NELL2: variants seen among roughly 807,000 people sequenced by gnomAD.
NELL2 encodes the protein protein kinase C-binding protein NELL2.
Under a neutral mutation model 109.6 loss-of-function variants are expected in NELL2, and 41 were observed. That is an observed-to-expected ratio of 0.37 (90% CI 0.29 to 0.49). The LOEUF is 0.49. Among genes scored for constraint, NELL2 ranks in the 20% least tolerant of loss-of-function variants. The pLI, the probability that NELL2 is intolerant of heterozygous loss-of-function variation, is 0.98. For missense variants in NELL2, 900 were observed against 1,008.3 expected, an observed-to-expected ratio of 0.89 and a Z score of 1.45; for synonymous variants, 355 against 344.7, an observed-to-expected ratio of 1.03 and a Z score of -0.33.
At chr12:44,584,426 G>A (rs1030363824) in intron 15 of NELL2, among the ~76,000 whole-genome samples, 8 of 152,158 alleles carry the variant, frequency 5.3e-5, no homozygotes, top group East Asian at 1.9e-4. Context: ...CTCTTGTTAC[G>A]ACACTCTTTG....
At chr12:44,774,028 A>G (rs1291960877) in intron 9 of NELL2, among the ~76,000 whole-genome samples, 1 of 152,228 alleles carries the variant, frequency 6.6e-6, no homozygotes, top group African/African-American at 2.4e-5. Context: ...CATGTATGTT[A>G]CTACTCCTTT....
chr12:44,798,757 G>A (rs1942721155), intron 3 of NELL2, among the ~76,000 whole-genome samples: 1 of 151,886 alleles, frequency 6.6e-6, no homozygotes, highest in African/African-American at 2.4e-5. Flanking sequence ...GTGTAACAAT[G>A]GCACATGAAT....
In NELL2 at chr12:44,520,185, C is replaced by T. The variant is rs1441983891; in HGVS notation, c.2220G>A (p.Glu740=). The T allele has an allele frequency of 2.5e-6, 4 of 1,613,616 alleles. No homozygotes were observed. In the South Asian group the frequency reaches 4.4e-5, roughly 18 times the overall value. ...TCTCTGGGAGAATGCTGAATTCACACTCCACATCTGGGCAAGGCAGGGGCC... is the reference window on the plus strand; with the variant it reads ...TCTCTGGGAGAATGCTGAATTCACATTCCACATCTGGGCAAGGCAGGGGCC... The part of the protein sequence containing the change: ...DCWPLPCPDV[E]CEFSILPENE... The change falls in exon 19 of 20, where the codon GAG becomes GAA. Residue 740 remains glutamate, a synonymous_variant. Transcript: ENST00000429094.
chr12:44,876,270 C>A lies in NELL2; in HGVS notation c.-401G>T, dbSNP rs2272518. On this transcript the variant is annotated 5_prime_UTR_variant, in exon 1 of 20. Transcript: ENST00000429094. ...CCCGGGCTGGGGCGGCCCCGCACCC[C>A]CCCGTCTTCCCCGCCGCCCGAACCT... 6 of 1,155,576 alleles carry A rather than the reference C, an allele frequency of 5.2e-6. No individual in the cohort carries two copies. The East Asian group carries it at 2.8e-4, about 55-fold the overall frequency. 71.6% of individuals were successfully genotyped at this position (1,155,576 alleles called of 1,614,324 possible). A position where few individuals can be genotyped will look rare whatever the true frequency, so the allele number is the denominator to read the frequency against.
chr12:44,739,716 C>A (rs1467124434), intron 9 of NELL2, among the ~76,000 whole-genome samples: 1 of 152,066 alleles, frequency 6.6e-6, no homozygotes, highest in East Asian at 1.9e-4. Flanking sequence ...CATGGTGAAA[C>A]CTCATCTCTA....
chr12:44,905,998 G>C (rs552948464), intron 1 of NELL2, among the ~76,000 whole-genome samples: 2 of 151,990 alleles, frequency 1.3e-5, no homozygotes, highest in Non-Finnish European at 2.9e-5. Flanking sequence ...ACAGTAATAC[G>C]TGCTATGGAA....
chr12:44,887,426 A>C (rs376964212), intron 1 of NELL2, among the ~76,000 whole-genome samples: 4 of 151,904 alleles, frequency 2.6e-5, no homozygotes, highest in Non-Finnish European at 5.9e-5. Flanking sequence ...TATCCTCACT[A>C]GCATCCATTA....
chr12:44,579,218 G>A lies in NELL2; in HGVS notation c.1663+27951C>T, dbSNP rs375346586. Among the ~76,000 whole-genome samples the A allele has an allele frequency of 6.6e-5, 10 of 152,230 alleles. No homozygotes were observed. In the East Asian group the frequency reaches 1.7e-3, roughly 26 times the overall value. On this transcript the variant is annotated intron_variant, in intron 15 of 19. Coordinates refer to ENST00000429094, the MANE Select transcript of NELL2 (RefSeq NM_001145108.2). Reference sequence around the variant, plus strand: ...CATCACTTTAGATTCAAACACATGGGCAACCAAGTCTACATGTTTTTGTAA... The same window carrying A: ...CATCACTTTAGATTCAAACACATGGACAACCAAGTCTACATGTTTTTGTAA...
At chr12:44,575,806 T>G (rs762480369) in intron 15 of NELL2, among the ~76,000 whole-genome samples, 64 of 152,216 alleles carry the variant, frequency 4.2e-4, no homozygotes, top group Non-Finnish European at 7.6e-4. Context: ...CACTCCCACT[T>G]TGATGCTCTT....
intron 12 of NELL2, among the ~76,000 whole-genome samples, chr12:44,668,902 C>T (rs1352237682): frequency 6.6e-6 from 1 of 152,016 alleles, no homozygotes; most frequent in Non-Finnish European, 1.5e-5. Flanking sequence ...ACTGCAACTA[C>T]CAGAACCTGA....
intron 12 of NELL2, among the ~76,000 whole-genome samples, chr12:44,680,293 T>A (rs1170847324): frequency 6.6e-6 from 1 of 152,088 alleles, no homozygotes; most frequent in African/African-American, 2.4e-5. Context: ...ACAATCTTAA[T>A]CAATGTTTAA....
chr12:44,889,970 GCCGGGTTT>G (rs1339921721), intron 1 of NELL2, among the ~76,000 whole-genome samples: 4 of 152,100 alleles, frequency 2.6e-5, no homozygotes, highest in Non-Finnish European at 5.9e-5. Context: ...GAAATCTTAG[GCCGGGTTT>G]CCCAAATGCA....
At chr12:44,759,857 C>T (rs10785523) in intron 9 of NELL2, among the ~76,000 whole-genome samples, 107,335 of 151,954 alleles carry the variant, frequency 0.71, 38,142 homozygotes, top group Non-Finnish European at 0.74. Flanking sequence ...GGAAGGAGTG[C>T]CACTTCCAAA....
At chr12:44,694,868 C>T (rs888841911) in intron 12 of NELL2, among the ~76,000 whole-genome samples, 2 of 152,112 alleles carry the variant, frequency 1.3e-5, no homozygotes, top group East Asian at 1.9e-4. Context: ...GAGGCTATCG[C>T]TCATCTTACT....
At chr12:44,527,821 C>T (rs1487985074) in intron 16 of NELL2, among the ~76,000 whole-genome samples, 1 of 151,998 alleles carries the variant, frequency 6.6e-6, no homozygotes, top group East Asian at 1.9e-4. Flanking sequence ...ATGCCGGGCA[C>T]GCTGGCTCAT....
intron 5 of NELL2, among the ~76,000 whole-genome samples, chr12:44,779,157 G>C (rs2136596209): frequency 6.6e-6 from 1 of 152,262 alleles, no homozygotes; most frequent in South Asian, 2.1e-4. Flanking sequence ...ATGAAGTGTT[G>C]TCTCCAAGTA....
chr12:44,728,464 A>T (rs1211587462), intron 9 of NELL2, among the ~76,000 whole-genome samples: 1 of 152,098 alleles, frequency 6.6e-6, no homozygotes, highest in Admixed American at 6.5e-5. Context: ...ATAAAAAAGA[A>T]TAAAGAAAGC....
intron 15 of NELL2, among the ~76,000 whole-genome samples, chr12:44,566,899 C>T (rs1943682285): frequency 6.6e-6 from 1 of 151,982 alleles, no homozygotes; most frequent in Non-Finnish European, 1.5e-5. Context: ...GAAACATCCA[C>T]CTCTCGGGTT....
Position 44,869,621 on chromosome 12 carries a change from T to C in NELL2, c.184+5604A>G, listed in dbSNP as rs185149711. On this transcript the variant is annotated intron_variant, in intron 2 of 19. Transcript: ENST00000429094. ...AACAAAAAAGGCTCCTCCATAGATA[T>C]TTCTTGGATAATTCCATCTCTATTT... Among the ~76,000 whole-genome samples the C allele has an allele frequency of 2.6e-5, 4 of 152,314 alleles. No individual in the cohort carries two copies. The East Asian group carries it at 7.7e-4, about 29-fold the overall frequency.
Sources: gnomAD v4.1 joint callset for allele counts (sites outside exome capture counted in the v4.1 genomes callset) on GRCh38, gnomAD v4.1.1 for gene constraint, MANE v1.5 for transcripts, NCBI Gene and HGNC (gene_info 2026-07-23, HGNC 2026-07-21) for gene names.